The following ZCCHC7 variants were observed in gnomAD, a reference collection of about 807,000 sequenced individuals.
ZCCHC7 encodes the protein zinc finger CCHC-type containing 7, also known as zinc finger CCHC domain-containing protein 7.
Under a neutral mutation model 52.0 loss-of-function variants are expected in ZCCHC7, and 35 were observed. The ratio of observed to expected loss-of-function variants is 0.67; its 90% CI spans 0.51 to 0.89. ZCCHC7 has a LOEUF of 0.89. Ranked by LOEUF, ZCCHC7 falls within the 40% of genes least tolerant of loss-of-function variation. The probability of loss-of-function intolerance (pLI) is 0.00; values close to 1 mark genes in which losing one functional copy is unlikely to be tolerated. For missense variants in ZCCHC7, 574 were observed against 649.1 expected (o/e 0.88, Z 1.26); for synonymous variants, 217 against 221.5 (o/e 0.98, Z 0.18).
At chr9:37,262,742 CCTTA>C (rs1232767710) in intron 2 of ZCCHC7, among the ~76,000 whole-genome samples, 1 of 152,124 alleles carries the variant, frequency 6.6e-6, no homozygotes, top group Admixed American at 6.5e-5. Flanking sequence ...TGCTGTAGCT[CCTTA>C]CTTTTCATGT....
intron 2 of ZCCHC7, among the ~76,000 whole-genome samples, chr9:37,263,655 TA>T (rs1338948466): frequency 1.3e-5 from 2 of 152,190 alleles, no homozygotes; most frequent in Non-Finnish European, 2.9e-5. Flanking sequence ...TTTATGTAAT[TA>T]TTTTTCACGT....
At chr9:37,151,811 A>C (rs1244632356) in intron 2 of ZCCHC7, among the ~76,000 whole-genome samples, 1 of 152,148 alleles carries the variant, frequency 6.6e-6, no homozygotes, top group Non-Finnish European at 1.5e-5. Flanking sequence ...TCTCAAAGAA[A>C]AAAAAAATCT....
At chr9:37,322,621 G>A (rs1040906673) in intron 5 of ZCCHC7, among the ~76,000 whole-genome samples, 3 of 147,996 alleles carry the variant, frequency 2.0e-5, no homozygotes, top group South Asian at 2.2e-4. Context: ...TAAAAACATC[G>A]AGTAGACTTC....
At chr9:37,172,669 A>G (rs1282291877) in intron 2 of ZCCHC7, among the ~76,000 whole-genome samples, 2 of 152,260 alleles carry the variant, frequency 1.3e-5, no homozygotes, top group African/African-American at 4.8e-5. Flanking sequence ...CAATGTGGGC[A>G]TTCCAATAGG....
intron 5 of ZCCHC7, among the ~76,000 whole-genome samples, chr9:37,314,306 A>G (rs1588657167): frequency 6.6e-6 from 1 of 152,340 alleles, no homozygotes; most frequent in South Asian, 2.1e-4. Context: ...ATCTTATGGC[A>G]CTGAGGAATG....
intron 2 of ZCCHC7, among the ~76,000 whole-genome samples, chr9:37,199,045 T>G (rs1823445649): frequency 6.6e-6 from 1 of 152,188 alleles, no homozygotes. Flanking sequence ...CTTCCTATTT[T>G]TGACACATTT....
At chr9:37,179,580 C>T (rs1822239640) in intron 2 of ZCCHC7, among the ~76,000 whole-genome samples, 1 of 152,150 alleles carries the variant, frequency 6.6e-6, no homozygotes, top group South Asian at 2.1e-4. Flanking sequence ...TGGAAGCAGA[C>T]GATTAATACC....
chr9:37,305,493 ATCT>A (rs1258620326), intron 4 of ZCCHC7, 48 bp from the exon 5 acceptor site: 4 of 1,597,660 alleles, frequency 2.5e-6, no homozygotes, highest in African/African-American at 2.7e-5. Context: ...ACAAATACTA[ATCT>A]TCTACCTTTT....
intron 5 of ZCCHC7, among the ~76,000 whole-genome samples, chr9:37,322,526 A>G (rs1318002469): frequency 6.6e-6 from 1 of 151,946 alleles, no homozygotes; most frequent in Non-Finnish European, 1.5e-5. Flanking sequence ...TCAATGACCA[A>G]GGTATTTTAA....
intron 2 of ZCCHC7, among the ~76,000 whole-genome samples, chr9:37,263,710 G>T (rs1826969355): frequency 6.6e-6 from 1 of 152,160 alleles, no homozygotes. Flanking sequence ...TGCAGAAGGG[G>T]TGCAAAGTTT....
intron 2 of ZCCHC7, among the ~76,000 whole-genome samples, chr9:37,132,465 A>G (rs7027473): frequency 0.33 from 50,422 of 152,018 alleles, 8,717 homozygotes; most frequent in Middle Eastern, 0.41. Flanking sequence ...CCTATCTATA[A>G]CTCTGTGCCC....
intron 2 of ZCCHC7, among the ~76,000 whole-genome samples, chr9:37,198,955 T>C (rs1295718188): frequency 6.6e-6 from 1 of 152,226 alleles, no homozygotes; most frequent in Non-Finnish European, 1.5e-5. Flanking sequence ...TTTTGCCTAA[T>C]GTGTGCTAAA....
At chr9:37,133,495 C>T (rs1376673386) in intron 2 of ZCCHC7, among the ~76,000 whole-genome samples, 1 of 151,806 alleles carries the variant, frequency 6.6e-6, no homozygotes, top group African/African-American at 2.4e-5. Context: ...TCCACCTCAG[C>T]TTCCTGAATA....
intron 2 of ZCCHC7, among the ~76,000 whole-genome samples, chr9:37,227,017 A>C (rs1210388086): frequency 7.1e-6 from 1 of 140,004 alleles, no homozygotes; most frequent in Non-Finnish European, 1.5e-5. Context: ...CGACAGAGCG[A>C]GACTCCGTCT....
At chr9:37,314,308 T>C (rs1353561231) in intron 5 of ZCCHC7, among the ~76,000 whole-genome samples, 1 of 152,226 alleles carries the variant, frequency 6.6e-6, no homozygotes, top group Admixed American at 6.5e-5. Context: ...CTTATGGCAC[T>C]GAGGAATGGA....
At chr9:37,204,666 ATGTC>A (rs1438688987) in intron 2 of ZCCHC7, among the ~76,000 whole-genome samples, 3 of 152,054 alleles carry the variant, frequency 2.0e-5, no homozygotes, top group African/African-American at 7.2e-5. Context: ...ACTGGTCTAT[ATGTC>A]TGTTTTGGTA....
In ZCCHC7 at chr9:37,132,541, T is replaced by C. The variant is rs554400160; in HGVS notation, c.610+5599T>C. 3.9e-5 allele frequency among the ~76,000 whole-genome samples: 6 copies of C among 152,338 alleles called. No individual in the cohort carries two copies. In the East Asian group the frequency reaches 9.6e-4, roughly 24 times the overall value. On this transcript the variant is annotated intron_variant, in intron 2 of 8. Coordinates refer to ENST00000336755, the MANE Select transcript of ZCCHC7 (RefSeq NM_032226.3). ...ATATGTATGTATGTGTATGTGTGTG[T>C]ATACACATCATGTGTGCACATGTGT...
At chr9:37,247,430 TAGAC>T (rs1475732515) in intron 2 of ZCCHC7, among the ~76,000 whole-genome samples, 3 of 152,200 alleles carry the variant, frequency 2.0e-5, no homozygotes, top group East Asian at 1.9e-4. Flanking sequence ...TAAGTGTTCT[TAGAC>T]AGGAATTACA....
At chr9:37,215,681 T>A (rs1015094599) in intron 2 of ZCCHC7, among the ~76,000 whole-genome samples, 49 of 152,238 alleles carry the variant, frequency 3.2e-4, no homozygotes, top group Non-Finnish European at 1.2e-4. Flanking sequence ...TTCTAATGTC[T>A]TGCTTCTTTA....
Sources: gnomAD v4.1 joint callset for allele counts (sites outside exome capture counted in the v4.1 genomes callset) on GRCh38, gnomAD v4.1.1 for gene constraint, MANE v1.5 for transcripts, NCBI Gene and HGNC (gene_info 2026-07-23, HGNC 2026-07-21) for gene names.